VEGFC: variants seen among roughly 807,000 people sequenced by gnomAD.
The protein encoded by VEGFC is FLT4 ligand DHM.
Under a neutral mutation model 46.1 loss-of-function variants are expected in VEGFC, and 12 were observed. The observed-to-expected ratio is 0.26, with a 90% CI of 0.17 to 0.42. The LOEUF (loss-of-function observed/expected upper bound fraction) is 0.42, where lower values mean the gene tolerates loss of function less well. Among genes scored for constraint, VEGFC ranks in the 10% least tolerant of loss-of-function variants. The probability of loss-of-function intolerance (pLI) is 1.00; values close to 1 mark genes in which losing one functional copy is unlikely to be tolerated. For synonymous variants in VEGFC, 232 were observed against 195.5 expected, an observed-to-expected ratio of 1.19 and a Z score of -1.56; for missense variants, 488 against 529.4, an observed-to-expected ratio of 0.92 and a Z score of 0.77.
chr4:176,744,345 A>C (rs185990949), intron 1 of VEGFC, among the ~76,000 whole-genome samples: 8 of 152,084 alleles, frequency 5.3e-5, no homozygotes, highest in African/African-American at 1.9e-4. Flanking sequence ...CAGGTACACA[A>C]TTTAAAAAGA....
intron 1 of VEGFC, among the ~76,000 whole-genome samples, chr4:176,776,626 C>G (rs1273214825): frequency 1.3e-5 from 2 of 152,116 alleles, no homozygotes; most frequent in Admixed American, 6.6e-5. Flanking sequence ...GAACCAAAGC[C>G]AAAGAGAGAG....
At chr4:176,685,197 A>G (rs1687047459) in intron 6 of VEGFC, among the ~76,000 whole-genome samples, 1 of 152,224 alleles carries the variant, frequency 6.6e-6, no homozygotes, top group Non-Finnish European at 1.5e-5. Flanking sequence ...CTAGAAAAGA[A>G]AGCATGTCTA....
intron 6 of VEGFC, among the ~76,000 whole-genome samples, chr4:176,685,899 C>G (rs924656772): frequency 6.6e-6 from 1 of 151,888 alleles, no homozygotes; most frequent in Non-Finnish European, 1.5e-5. Context: ...TTTAGGAAAA[C>G]CACCAAAAAT....
intron 1 of VEGFC, among the ~76,000 whole-genome samples, chr4:176,734,390 T>G (rs1372113592): frequency 6.6e-6 from 1 of 151,878 alleles, no homozygotes; most frequent in Non-Finnish European, 1.5e-5. Context: ...GCAGTTACTG[T>G]AATAAATAAA....
At chr4:176,705,663 A>G (rs1412927470) in intron 4 of VEGFC, among the ~76,000 whole-genome samples, 2 of 152,192 alleles carry the variant, frequency 1.3e-5, no homozygotes, top group African/African-American at 4.8e-5. Flanking sequence ...TTGAATGCTT[A>G]ATATGTTTTA....
intron 3 of VEGFC, among the ~76,000 whole-genome samples, chr4:176,719,727 A>G (rs1373972841): frequency 6.6e-6 from 1 of 152,186 alleles, no homozygotes; most frequent in African/African-American, 2.4e-5. Flanking sequence ...GAAGCGTCAC[A>G]TAATGGGTGT....
chr4:176,750,364 C>G (rs1208450025), intron 1 of VEGFC, among the ~76,000 whole-genome samples: 3 of 151,180 alleles, frequency 2.0e-5, no homozygotes, highest in Non-Finnish European at 4.4e-5. Flanking sequence ...TAACCTAAAA[C>G]AAAACTATAT....
At chr4:176,690,011 C>G (rs1388211037) in intron 4 of VEGFC, among the ~76,000 whole-genome samples, 1 of 152,160 alleles carries the variant, frequency 6.6e-6, no homozygotes, top group African/African-American at 2.4e-5. Flanking sequence ...CTCTCAAAAT[C>G]TATTTTTGGG....
intron 1 of VEGFC, among the ~76,000 whole-genome samples, chr4:176,773,800 G>A (rs1006549896): frequency 1.3e-4 from 19 of 151,850 alleles, no homozygotes; most frequent in Admixed American, 3.9e-4. Context: ...CTCCACCCTC[G>A]GCCTTCGGAG....
In VEGFC at chr4:176,692,819, C is replaced by A. The variant is rs573572195; in HGVS notation, c.705-4892G>T. Among the ~76,000 whole-genome samples the A allele has an allele frequency of 2.8e-4, 41 of 146,760 alleles. No individual in the cohort carries two copies. The East Asian group carries it at 4.3e-3, about 15-fold the overall frequency. ...TGCTTCCTCAAGTGGGTCCCTGACC[C>A]CTGACCCCCGAGCAGCCTAACTGGG... On this transcript the variant is annotated intron_variant, in intron 4 of 6. Coordinates refer to ENST00000618562, the MANE Select transcript of VEGFC (RefSeq NM_005429.5).
At chr4:176,687,598 A>G in intron 5 of VEGFC, 78 bp from the exon 6 acceptor site, 8 of 1,359,596 alleles carry the variant, frequency 5.9e-6, no homozygotes, top group Middle Eastern at 2.5e-4. Context: ...TTTTAAAAGC[A>G]TCTTCCTTTT....
chr4:176,706,191 C>A (rs1214548560), intron 4 of VEGFC: 1 of 152,146 alleles, frequency 6.6e-6, no homozygotes, highest in Non-Finnish European at 1.5e-5. Flanking sequence ...TCAGAGCCAG[C>A]CAAGCGCATC....
chr4:176,738,965 T>C (rs1206117342), intron 1 of VEGFC, among the ~76,000 whole-genome samples: 1 of 151,660 alleles, frequency 6.6e-6, no homozygotes, highest in East Asian at 2.0e-4. Context: ...CCTTTGGGTA[T>C]ATACCCAGTA....
chr4:176,724,973 TAGA>T (rs1734849125), intron 3 of VEGFC, among the ~76,000 whole-genome samples: 2 of 152,068 alleles, frequency 1.3e-5, no homozygotes, highest in Non-Finnish European at 2.9e-5. Context: ...CACAGTTAAA[TAGA>T]AGGAGTAAGT....
intron 3 of VEGFC, among the ~76,000 whole-genome samples, chr4:176,713,087 T>A (rs140966606): frequency 1.2e-4 from 18 of 152,300 alleles, no homozygotes; most frequent in African/African-American, 4.3e-4. Flanking sequence ...ACTAAATGAA[T>A]CTGATATGTA....
At chr4:176,684,188 G>A (rs13145429) in intron 6 of VEGFC, 148 bp from the exon 7 acceptor site, 116 of 635,414 alleles carry the variant, frequency 1.8e-4, no homozygotes, top group Non-Finnish European at 3.0e-4. Context: ...AAAAAAGTTT[G>A]TTTCTGCTTA....
chr4:176,701,723 T>C (rs1489305677), intron 4 of VEGFC, among the ~76,000 whole-genome samples: 1 of 152,176 alleles, frequency 6.6e-6, no homozygotes, highest in Admixed American at 6.5e-5. Context: ...AACAGACATA[T>C]GACTTACGAT....
Position 176,726,406 on chromosome 4 carries a change from T to C in VEGFC, c.552+1372A>G, listed in dbSNP as rs548286856. ...AGAAATGATAGCAGGCCCCAAAGCA[T>C]CACCTTTTAATTTTTTTTAACCTTT... On this transcript the variant is annotated intron_variant, in intron 3 of 6. Transcript: ENST00000618562. Among the ~76,000 whole-genome samples, 13 of 45,038 alleles carry C rather than the reference T, an allele frequency of 2.9e-4. No individual in the cohort carries two copies. In the East Asian group the frequency reaches 0.012, roughly 40 times the overall value. 29.5% of individuals were successfully genotyped at this position (45,038 alleles called of 152,430 possible).
At chr4:176,738,956 C>T (rs1038567681) in intron 1 of VEGFC, among the ~76,000 whole-genome samples, 5 of 151,648 alleles carry the variant, frequency 3.3e-5, no homozygotes, top group African/African-American at 9.7e-5. Flanking sequence ...ATTTATATTC[C>T]TTTGGGTATA....
Sources: gnomAD v4.1 joint callset for allele counts (sites outside exome capture counted in the v4.1 genomes callset) on GRCh38, gnomAD v4.1.1 for gene constraint, MANE v1.5 for transcripts, NCBI Gene and HGNC (gene_info 2026-07-23, HGNC 2026-07-21) for gene names.